The following ZNF407 variants were observed in gnomAD, a reference collection of about 807,000 sequenced individuals.
ZNF407 encodes zinc finger protein 407.
A neutral mutation model predicts 131.2 loss-of-function variants in ZNF407; 17 were observed. That is an observed-to-expected ratio of 0.13 (90% CI 0.09 to 0.19). The LOEUF is 0.19. ZNF407 is among the 10% of genes least tolerant of loss of function. The pLI, the probability that ZNF407 is intolerant of heterozygous loss-of-function variation, is 1.00. For missense variants in ZNF407, 2,681 were observed against 2,830.6 expected (o/e 0.95, Z 1.20); for synonymous variants, 1,156 against 1,062.0 (o/e 1.09, Z -1.72).
rs529171143 is a variant in ZNF407, at chr18:74,693,882, T to G, written c.4802+52760T>G. 3.9e-5 allele frequency among the ~76,000 whole-genome samples: 6 copies of G among 152,334 alleles called. No homozygotes were observed. In the South Asian group the frequency reaches 1.2e-3, roughly 32 times the overall value. On this transcript the variant is annotated intron_variant, in intron 3 of 8. Coordinates refer to ENST00000299687, the MANE Select transcript of ZNF407 (RefSeq NM_017757.3). ...TCAGTTGTGTATATATTAGCCTGTTTGATATTGTCTCATAAGTTACTGATT... is the reference window on the plus strand; with the variant it reads ...TCAGTTGTGTATATATTAGCCTGTTGGATATTGTCTCATAAGTTACTGATT...
intron 8 of ZNF407, among the ~76,000 whole-genome samples, chr18:74,940,738 C>T (rs1441385575): frequency 6.6e-6 from 1 of 152,150 alleles, no homozygotes; most frequent in Admixed American, 6.5e-5. Flanking sequence ...TGAAGGAAGC[C>T]TCTCTGCTCC....
chr18:74,761,308 G>A (rs1969090565), intron 3 of ZNF407, among the ~76,000 whole-genome samples: 1 of 152,004 alleles, frequency 6.6e-6, no homozygotes, highest in African/African-American at 2.4e-5. Context: ...TTTATATTTT[G>A]TGTAGTCTCT....
chr18:74,946,016 C>T (rs1972150159), intron 8 of ZNF407, among the ~76,000 whole-genome samples: 1 of 152,222 alleles, frequency 6.6e-6, no homozygotes, highest in African/African-American at 2.4e-5. Context: ...CTGCCCATAG[C>T]ACCGTCACCC....
At chr18:74,676,649 T>A (rs936755211) in intron 3 of ZNF407, among the ~76,000 whole-genome samples, 21 of 151,916 alleles carry the variant, frequency 1.4e-4, no homozygotes, top group Non-Finnish European at 8.8e-5. Context: ...TTAGCCAGGA[T>A]GGTCTCGATC....
rs140535351 is a variant in ZNF407 at position 74,954,143 on chromosome 18, G to T, written c.5428+33451G>T. Among the ~76,000 whole-genome samples the T allele has an allele frequency of 9.3e-4, 141 of 152,216 alleles. 2 individuals carry two copies. The highest frequency in any genetic ancestry group is 3.2e-3 in the African/African-American group (131 of 41,516). ...ATAACAAAATTTAATGCTTTCTAAA[G>T]GGAAAGAGGCCAGTTTCAATATTAA... On this transcript the variant is annotated intron_variant, in intron 8 of 8. Coordinates refer to ENST00000299687, the MANE Select transcript of ZNF407 (RefSeq NM_017757.3).
At chr18:74,604,429 T>C in intron 1 of ZNF407, among the ~76,000 whole-genome samples, 1 of 152,176 alleles carries the variant, frequency 6.6e-6, no homozygotes, top group East Asian at 1.9e-4. Flanking sequence ...TTGAACAGTC[T>C]GTGAAGAAGG....
At chr18:74,730,446 A>G (rs1418970854) in intron 3 of ZNF407, among the ~76,000 whole-genome samples, 1 of 152,192 alleles carries the variant, frequency 6.6e-6, no homozygotes, top group Non-Finnish European at 1.5e-5. Context: ...TGACTGGAGA[A>G]AAGAAGCAAT....
intron 3 of ZNF407, among the ~76,000 whole-genome samples, chr18:74,780,038 G>A (rs903628392): frequency 3.3e-5 from 5 of 150,912 alleles, no homozygotes; most frequent in Admixed American, 1.3e-4. Context: ...TTTTTGCTCA[G>A]CATTTAATAT....
chr18:74,761,547 A>G lies in ZNF407; in HGVS notation c.4803-19881A>G, dbSNP rs1028842524. Among the ~76,000 whole-genome samples, 23 of 152,170 alleles carry G rather than the reference A, an allele frequency of 1.5e-4. 1 individual carries two copies. Among genetic ancestry groups the G allele is most frequent in the African/African-American group, 5.5e-4 (23 of 41,446 alleles). On this transcript the variant is annotated intron_variant, in intron 3 of 8. Transcript: ENST00000299687. ...GTTGATCAAATGTTAGAACTTGCTA[A>G]TAATATTGCTATATATTATTTCACC...
In ZNF407 at chr18:74,920,614, G is replaced by A. The variant is rs1245337777; in HGVS notation, c.5350G>A (p.Val1784Ile). The change falls in exon 8 of 9, where the codon GTC becomes ATC. Residue 1784 changes from valine to isoleucine, a missense_variant. Val to Ile is a conservative substitution (Grantham distance 29, BLOSUM62 3). Transcript: ENST00000299687. ...TCCCAAGTGTGACTACGGGACCAAC[G>A]TCCCGGTGGAGTTCCGGAACCATTT... is the stretch of plus-strand genomic sequence containing the variant. Reference protein sequence around the residue: ...NCPKCDYGTNVPVEFRNHLKE... With the variant: ...NCPKCDYGTNIPVEFRNHLKE... The A allele has an allele frequency of 2.5e-6, 4 of 1,611,420 alleles. No individual in the cohort carries two copies. The highest frequency in any genetic ancestry group is 1.3e-5 in the African/African-American group (1 of 75,006).
intron 3 of ZNF407, among the ~76,000 whole-genome samples, chr18:74,698,086 ACAT>A (rs1029842111): frequency 3.9e-5 from 6 of 152,238 alleles, no homozygotes; most frequent in African/African-American, 1.2e-4. Context: ...CATTCAATTG[ACAT>A]CATCCTAAAA....
intron 4 of ZNF407, among the ~76,000 whole-genome samples, chr18:74,860,667 G>A (rs991282992): frequency 6.6e-6 from 1 of 152,036 alleles, no homozygotes; most frequent in Non-Finnish European, 1.5e-5. Context: ...CCGTACCAGT[G>A]TGTTAATTCT....
chr18:74,650,687 T>G (rs953405433), intron 3 of ZNF407, among the ~76,000 whole-genome samples: 1 of 152,152 alleles, frequency 6.6e-6, no homozygotes, highest in African/African-American at 2.4e-5. Context: ...AGGGCCTAGG[T>G]GGCATTTTTG....
Position 74,635,705 on chromosome 18 carries a change from A to T in ZNF407, c.4686A>T (p.Thr1562=). 1 of 1,575,390 alleles carries T rather than the reference A, an allele frequency of 6.3e-7. No homozygotes were observed. The highest frequency in any genetic ancestry group is 8.6e-7 in the Non-Finnish European group (1 of 1,160,928). The change falls in exon 2 of 9, where the codon ACA becomes ACT. Residue 1562 remains threonine, a splice_region_variant and synonymous_variant. Coordinates refer to ENST00000299687, the MANE Select transcript of ZNF407 (RefSeq NM_017757.3). This position sits in a 1 kb window ranked among gnomAD's most constrained non-coding sequence, Gnocchi z 4.7. ...MAFLAHIRTH[T]GSKPFKCKIC... ...TCCTGGCACACATTCGCACTCACAC[A>T]GGTATGTAGCTCTGCAGCAAGCCAA... is the stretch of plus-strand genomic sequence containing the variant.
chr18:75,023,164 C>T (rs115594910), intron 8 of ZNF407, among the ~76,000 whole-genome samples: 1,631 of 152,114 alleles, frequency 0.011, 30 homozygotes, highest in African/African-American at 0.036. Flanking sequence ...GAACAAGACA[C>T]GCTGGGGTCT....
intron 4 of ZNF407, among the ~76,000 whole-genome samples, chr18:74,849,052 C>CTTTGTTTTT (rs1970741341): frequency 8.1e-6 from 1 of 122,946 alleles, no homozygotes; most frequent in Non-Finnish European, 1.7e-5. Flanking sequence ...ACTTTTGTTT[C>CTTTGTTTTT]TTTTTTTTTT....
intron 3 of ZNF407, among the ~76,000 whole-genome samples, chr18:74,680,531 A>G (rs1966958679): frequency 6.6e-6 from 1 of 152,192 alleles, no homozygotes; most frequent in African/African-American, 2.4e-5. Context: ...ATAGAAAGTG[A>G]AAAGTGCTTA....
chr18:74,814,622 T>C (rs902616037), intron 4 of ZNF407, among the ~76,000 whole-genome samples: 10 of 152,218 alleles, frequency 6.6e-5, no homozygotes, highest in Admixed American at 5.2e-4. Flanking sequence ...TTGTGGATAG[T>C]ATATGAGAAA....
At chr18:74,639,607 C>A (rs1599033728) in intron 2 of ZNF407, among the ~76,000 whole-genome samples, 1 of 152,190 alleles carries the variant, frequency 6.6e-6, no homozygotes, top group Non-Finnish European at 1.5e-5. Flanking sequence ...ATAAACCTGA[C>A]TAGATACAAC....
Sources: allele counts gnomAD v4.1 joint callset (sites outside exome capture counted in the v4.1 genomes callset), GRCh38; gene constraint gnomAD v4.1.1; non-coding constraint Gnocchi (gnomAD v3.1); transcripts MANE v1.5; gene names NCBI Gene and HGNC (gene_info 2026-07-23, HGNC 2026-07-21).